SFSWAP: variants seen among roughly 807,000 people sequenced by gnomAD.
SFSWAP encodes the protein splicing factor SWAP.
A neutral mutation model predicts 100.7 loss-of-function variants in SFSWAP; 17 were observed. That is an observed-to-expected ratio of 0.17 (90% CI 0.12 to 0.25). SFSWAP has a LOEUF of 0.25. SFSWAP is among the 10% of genes least tolerant of loss of function. SFSWAP has a pLI of 1.00. For missense variants in SFSWAP, 1,005 were observed against 1,262.6 expected (o/e 0.80, Z 3.09); for synonymous variants, 504 against 510.1 (o/e 0.99, Z 0.16).
At chr12:131,799,225 G>A (rs1000837262) in intron 17 of SFSWAP, 116 bp downstream of exon 17, 32 of 1,048,552 alleles carry the variant, frequency 3.1e-5, no homozygotes, top group Middle Eastern at 4.9e-4. Flanking sequence ...CAGGGATCTC[G>A]GGCAAAATAC....
In SFSWAP at chr12:131,753,482, C is replaced by G. The variant is rs535114688; in HGVS notation, c.1322+119C>G. On this transcript the variant is annotated intron_variant, in intron 8 of 17. Transcript: ENST00000261674. ...GATCATATACAGGGGTCCCCATTGT[C>G]TGAGTAGTTATTATTCCAAATCCCC... 2.9e-5 allele frequency: 37 copies of G among 1,281,180 alleles called. No homozygotes were observed. The East Asian group carries it at 4.1e-4, about 14-fold the overall frequency. 79.4% of individuals were successfully genotyped at this position (1,281,180 alleles called of 1,614,324 possible).
At chr12:131,752,334 C>T (rs962115891) in intron 7 of SFSWAP, among the ~76,000 whole-genome samples, 3 of 152,212 alleles carry the variant, frequency 2.0e-5, no homozygotes, top group African/African-American at 7.2e-5. Context: ...AATTAAATTT[C>T]GTAATTAATC....
intron 4 of SFSWAP, 55 bp downstream of exon 4, chr12:131,719,594 T>C: frequency 7.4e-7 from 1 of 1,359,454 alleles, no homozygotes; most frequent in Non-Finnish European, 1.1e-6. Flanking sequence ...CATAATTCAC[T>C]CCTGCTTGTG....
chr12:131,714,398 G>T lies in SFSWAP; in HGVS notation c.388+158G>T. On this transcript the variant is annotated intron_variant, in intron 2 of 17. Transcript: ENST00000261674. This position sits in a 1 kb window ranked among gnomAD's most constrained non-coding sequence, Gnocchi z 6.0. ...AACAGGAGTCTTTGCGTTCTGAGAG[G>T]ACCTCAGGATAGTTTATATATAGAG... is the stretch of plus-strand genomic sequence containing the variant. The T allele has an allele frequency of 1.6e-6, 1 of 624,228 alleles. No individual in the cohort carries two copies. Among genetic ancestry groups the T allele is most frequent in the Non-Finnish European group, 2.7e-6 (1 of 369,544 alleles). 38.7% of individuals were successfully genotyped at this position (624,228 alleles called of 1,614,324 possible). A position where few individuals can be genotyped will look rare whatever the true frequency, so the allele number is the denominator to read the frequency against.
Position 131,794,971 on chromosome 12 carries a change from A to G in SFSWAP, c.2535-2207A>G, listed in dbSNP as rs1369812522. 6.6e-6 allele frequency among the ~76,000 whole-genome samples: 1 copy of G among 152,194 alleles called. No individual in the cohort carries two copies. Among genetic ancestry groups the G allele is most frequent in the Non-Finnish European group, 1.5e-5 (1 of 68,036 alleles). On this transcript the variant is annotated intron_variant, in intron 15 of 17. Transcript: ENST00000261674. This position sits in a 1 kb window ranked among gnomAD's most constrained non-coding sequence, Gnocchi z 4.8. ...CTCAGCTGGATTTGGGGAGTAAGTC[A>G]TTTTGGACACATGTCACATGCTGGT... is the stretch of plus-strand genomic sequence containing the variant.
Position 131,781,299 on chromosome 12 carries a change from G to A in SFSWAP, c.2408+2969G>A, listed in dbSNP as rs930245395. 1.4e-4 allele frequency among the ~76,000 whole-genome samples: 20 copies of A among 146,320 alleles called. No homozygotes were observed. In the South Asian group the frequency reaches 3.0e-3, roughly 22 times the overall value. Reference sequence around the variant, plus strand: ...GTCGCCTAGGCTGGAGTGCAGTGGCGCGATCTCTGCTCACTGCAAGCTCTG... The same window carrying A: ...GTCGCCTAGGCTGGAGTGCAGTGGCACGATCTCTGCTCACTGCAAGCTCTG... On this transcript the variant is annotated intron_variant, in intron 14 of 17. Coordinates refer to ENST00000261674, the MANE Select transcript of SFSWAP (RefSeq NM_004592.4).
Position 131,754,484 on chromosome 12 carries a change from C to T in SFSWAP, c.1439C>T (p.Ala480Val), listed in dbSNP as rs1383040474. The T allele has an allele frequency of 5.7e-6, 9 of 1,590,836 alleles. No homozygotes were observed. The highest frequency in any genetic ancestry group is 6.0e-6 in the Non-Finnish European group (7 of 1,170,228). The change falls in exon 9 of 18, where the codon GCC becomes GTC. Residue 480 changes from alanine to valine, a missense_variant. Around this residue, in one of 7 missense-constraint regions of SFSWAP, gnomAD observed 311 missense variants for 317.8 expected, o/e 0.98. Coordinates refer to ENST00000261674, the MANE Select transcript of SFSWAP (RefSeq NM_004592.4). ...CTGAAGTTCGAGACCAGTGTTCGTG[C>T]CAAGAATGATCAAAGGTCAGAAGAA... ...NGLKFETSVR[A>V]KNDQRFEFLQ...
chr12:131,798,316 A>G (rs56008725), intron 16 of SFSWAP, among the ~76,000 whole-genome samples: 11,523 of 152,138 alleles, frequency 0.076, 493 homozygotes, highest in Middle Eastern at 0.13. Flanking sequence ...AAAATGTAAT[A>G]ATGATAAAAT....
intron 11 of SFSWAP, among the ~76,000 whole-genome samples, chr12:131,759,693 C>G (rs1217726866): frequency 6.6e-6 from 1 of 151,202 alleles, no homozygotes; most frequent in African/African-American, 2.4e-5. Context: ...CCCAGCTACT[C>G]GGAGAGGCTG....
rs761014161 is a variant in SFSWAP, at chr12:131,778,205, C to T, written c.2283C>T (p.His761=). 2 of 1,613,980 alleles carry T rather than the reference C, an allele frequency of 1.2e-6. No homozygotes were observed. The highest frequency in any genetic ancestry group is 2.2e-5 in the East Asian group (1 of 44,870). The stretch of plus-strand genomic sequence containing the variant: ...AGAAAGAAAAGAAAAAGAAAAAGCA[C>T]AAAAAAAGATCTCGAACAAGATCAC... ...EEEKEKKKKK[H]KKRSRTRSRS... The change falls in exon 14 of 18, where the codon CAC becomes CAT. Residue 761 remains histidine, a synonymous_variant. Coordinates refer to ENST00000261674, the MANE Select transcript of SFSWAP (RefSeq NM_004592.4). This position sits in a 1 kb window ranked among gnomAD's most constrained non-coding sequence, Gnocchi z 4.2.
chr12:131,727,785 T>C (rs1879121427), intron 6 of SFSWAP, among the ~76,000 whole-genome samples: 1 of 152,248 alleles, frequency 6.6e-6, no homozygotes, highest in Non-Finnish European at 1.5e-5. Flanking sequence ...CCCTCATCTG[T>C]GTGAAGAAAC....
chr12:131,791,906 A>G (rs993496303), intron 15 of SFSWAP, among the ~76,000 whole-genome samples: 1 of 152,264 alleles, frequency 6.6e-6, no homozygotes, highest in African/African-American at 2.4e-5. Context: ...CTGTTCACAG[A>G]TCAGTACTGT....
chr12:131,743,495 C>G (rs770121803), intron 7 of SFSWAP, among the ~76,000 whole-genome samples: 2 of 152,254 alleles, frequency 1.3e-5, no homozygotes, highest in Non-Finnish European at 2.9e-5. Context: ...ACCTTTGACT[C>G]CATGTCTCGC....
Position 131,753,318 on chromosome 12 carries a change from C to T in SFSWAP, c.1277C>T (p.Thr426Ile), listed in dbSNP as rs1277345454. 4 of 1,612,096 alleles carry T rather than the reference C, an allele frequency of 2.5e-6. No individual in the cohort carries two copies. The Admixed American group carries it at 5.0e-5, about 20-fold the overall frequency. Reference protein sequence around the residue: ...PGTTPLPPPTTAETSSGATST... With the variant: ...PGTTPLPPPTIAETSSGATST... ...ACCACACCACTACCGCCCCCAACCA[C>T]AGCAGAGACTAGCAGCGGGGCCACC... Residue 426 changes from threonine (T) to isoleucine (I), a missense_variant, in exon 8 of 18, where the codon ACA (threonine) becomes ATA (isoleucine). Around this residue, in one of 7 missense-constraint regions of SFSWAP, gnomAD observed 311 missense variants for 317.8 expected, o/e 0.98. Coordinates refer to ENST00000261674, the MANE Select transcript of SFSWAP (RefSeq NM_004592.4).
At chr12:131,782,849 G>A (rs1884599738) in intron 14 of SFSWAP, among the ~76,000 whole-genome samples, 1 of 152,130 alleles carries the variant, frequency 6.6e-6, no homozygotes, top group Non-Finnish European at 1.5e-5. Context: ...TTCTCAAAAA[G>A]TATACTAGTT....
At chr12:131,799,003 G>T (rs1391105405) in intron 16 of SFSWAP, 34 bp from the exon 17 acceptor site, 1 of 1,550,902 alleles carries the variant, frequency 6.4e-7, no homozygotes, top group South Asian at 1.1e-5. Flanking sequence ...TCTTCACACG[G>T]TTGTAAGCTC....
Position 131,753,244 on chromosome 12 carries a change from C to T in SFSWAP, c.1203C>T (p.Thr401=), listed in dbSNP as rs202066133. 8.9e-5 allele frequency: 143 copies of T among 1,614,202 alleles called. No homozygotes were observed. Among genetic ancestry groups the T allele is most frequent in the African/African-American group, 5.1e-4 (38 of 75,042 alleles). ...ACAGCACCCTTCCTGCTGGCGTGAC[C>T]GTGTCTAACTCCCCTGGAGTGACGA... ...TYYSTLPAGV[T]VSNSPGVTTT... is the part of the protein sequence containing the mutation. The change falls in exon 8 of 18, where the codon ACC becomes ACT. Residue 401 remains threonine (T), a synonymous_variant. Coordinates refer to ENST00000261674, the MANE Select transcript of SFSWAP (RefSeq NM_004592.4).
intron 13 of SFSWAP, among the ~76,000 whole-genome samples, chr12:131,772,439 A>G (rs1008812766): frequency 2.6e-5 from 4 of 152,244 alleles, no homozygotes; most frequent in Admixed American, 6.5e-5. Flanking sequence ...ATATGCAAAA[A>G]TCATGCATAT....
chr12:131,782,585 T>G (rs1003932342), intron 14 of SFSWAP, among the ~76,000 whole-genome samples: 1 of 152,208 alleles, frequency 6.6e-6, no homozygotes, highest in East Asian at 1.9e-4. Flanking sequence ...CAGTTGTTAA[T>G]ATTTCTAATT....
Sources: allele counts gnomAD v4.1 joint callset (sites outside exome capture counted in the v4.1 genomes callset), GRCh38; gene constraint gnomAD v4.1.1; regional missense constraint gnomAD v4.1.1; non-coding constraint Gnocchi (gnomAD v3.1); transcripts MANE v1.5; gene names NCBI Gene and HGNC (gene_info 2026-07-23, HGNC 2026-07-21).